Variants in PER3 observed in about 807,000 individuals in gnomAD.
PER3 encodes period circadian protein homolog 3.
A neutral mutation model predicts 127.2 loss-of-function variants in PER3; 107 were observed. The ratio of observed to expected loss-of-function variants is 0.84; its 90% CI spans 0.72 to 0.99. The LOEUF is 0.99. Ranked by LOEUF, PER3 falls within the 50% of genes least tolerant of loss-of-function variation. PER3 has a pLI of 0.00. For synonymous variants in PER3, 618 were observed against 585.8 expected (o/e 1.05, Z -0.79); for missense variants, 1,560 against 1,525.8 (o/e 1.02, Z -0.37).
At chr1:7,799,583 C>G (rs1265394425) in intron 7 of PER3, among the ~76,000 whole-genome samples, 4 of 145,610 alleles carry the variant, frequency 2.7e-5, no homozygotes, top group African/African-American at 1.0e-4. Context: ...GCACTCCAGC[C>G]TGGGCAACAA....
Position 7,842,972 on chromosome 1 carries a change from T to C in PER3, c.*217T>C. The C allele has an allele frequency of 3.1e-6, 1 of 322,784 alleles. No individual in the cohort carries two copies. The highest frequency in any genetic ancestry group is 5.8e-6 in the Non-Finnish European group (1 of 172,866). 20.0% of individuals were successfully genotyped at this position (322,784 alleles called of 1,614,324 possible). A position where few individuals can be genotyped will look rare whatever the true frequency, so the allele number is the denominator to read the frequency against. ...TATATTAAAATGGCCAGTTAGGCTC[T>C]TTTTGTAGTTGAATTGTCTTCTAAA... On this transcript the variant is annotated 3_prime_UTR_variant, in exon 22 of 22. Coordinates refer to ENST00000377532, the MANE Select transcript of PER3 (RefSeq NM_001377275.1).
chr1:7,787,148 C>A, intron 4 of PER3: 1 of 372,936 alleles, frequency 2.7e-6, no homozygotes. Flanking sequence ...TAATTTCCTG[C>A]ACCTTATTCT....
At chr1:7,839,637 C>T (rs2097374856) in intron 21 of PER3, among the ~76,000 whole-genome samples, 1 of 152,130 alleles carries the variant, frequency 6.6e-6, no homozygotes, top group Non-Finnish European at 1.5e-5. Context: ...TTCACTTCTC[C>T]CTTACTTTTG....
Position 7,826,092 on chromosome 1 carries a change from C to T in PER3, c.1958-388C>T, listed in dbSNP as rs934883840. Among the ~76,000 whole-genome samples, 8 of 151,952 alleles carry T rather than the reference C, an allele frequency of 5.3e-5. No homozygotes were observed. The highest frequency in any genetic ancestry group is 1.7e-4 in the African/African-American group (7 of 41,358). On this transcript the variant is annotated intron_variant, in intron 16 of 21. Transcript: ENST00000377532. The surrounding 1 kb of genome is among the most constrained non-coding windows in gnomAD (Gnocchi z 4.2). ...AAATGAGAACTAGACAGAGCGTGGA[C>T]GGGGGTGAGGGGAATTTACTACATG...
intron 4 of PER3, chr1:7,787,321 T>C: frequency 4.3e-6 from 1 of 234,232 alleles, no homozygotes. Context: ...TCTCTCTTCT[T>C]GTTTGACAGA....
intron 16 of PER3, among the ~76,000 whole-genome samples, chr1:7,823,140 T>C (rs1252122617): frequency 2.0e-5 from 3 of 152,108 alleles, no homozygotes; most frequent in African/African-American, 7.2e-5. Context: ...GACCTAACTA[T>C]ATGCAAAGTA....
intron 2 of PER3, 104 bp from the exon 3 acceptor site, chr1:7,785,337 G>T: frequency 3.5e-6 from 3 of 867,258 alleles, no homozygotes; most frequent in Non-Finnish European, 3.7e-6. Flanking sequence ...GACTGATGCC[G>T]GTAGAGCACT....
chr1:7,829,040 C>T (rs1236815567), intron 18 of PER3, among the ~76,000 whole-genome samples: 2 of 152,088 alleles, frequency 1.3e-5, no homozygotes, highest in Non-Finnish European at 2.9e-5. Flanking sequence ...TAGAGATAGG[C>T]TGGAACGTTT....
intron 10 of PER3, among the ~76,000 whole-genome samples, chr1:7,804,311 CTTT>C (rs79813451): frequency 8.3e-6 from 1 of 120,460 alleles, no homozygotes; most frequent in African/African-American, 3.1e-5. Context: ...TTCTTTCTTT[CTTT>C]TTTTTTTTTT....
At chr1:7,785,410 G>C in intron 2 of PER3, 31 bp from the exon 3 acceptor site, 1 of 1,585,020 alleles carries the variant, frequency 6.3e-7, no homozygotes, top group Non-Finnish European at 8.7e-7. Flanking sequence ...GTCTTCAGAG[G>C]ATGAAGTTGT....
In PER3 at chr1:7,832,870, A is replaced by G. The variant is rs527958898; in HGVS notation, c.3214+2709A>G. Among the ~76,000 whole-genome samples the G allele has an allele frequency of 3.3e-3, 462 of 138,120 alleles. 4 individuals carry two copies. Among genetic ancestry groups the G allele is most frequent in the African/African-American group, 0.012 (441 of 37,030 alleles). The allele number at this position is 138,120 out of a possible 152,430, so 90.6% of individuals were successfully genotyped here. A position where few individuals can be genotyped will look rare whatever the true frequency, so the allele number is the denominator to read the frequency against. ...TTTTTTTTTTTGGAACCAAGGTCTC[A>G]CTCTGTTGCCCAGGCTGGAGTGCAG... On this transcript the variant is annotated intron_variant, in intron 19 of 21. Coordinates refer to ENST00000377532, the MANE Select transcript of PER3 (RefSeq NM_001377275.1).
Position 7,822,580 on chromosome 1 carries a change from A to G in PER3, c.1957+1940A>G, listed in dbSNP as rs557127310. Among the ~76,000 whole-genome samples, 344 of 152,344 alleles carry G rather than the reference A, an allele frequency of 2.3e-3. 1 individual carries two copies. Among genetic ancestry groups the G allele is most frequent in the Non-Finnish European group, 4.1e-3 (281 of 68,026 alleles). ...AAAATAATTTTTTAAAAGATGGAAT[A>G]TGAGATACAATGACTAAGCCAATCA... On this transcript the variant is annotated intron_variant, in intron 16 of 21. Coordinates refer to ENST00000377532, the MANE Select transcript of PER3 (RefSeq NM_001377275.1).
At chr1:7,833,232 A>C (rs2097341470) in intron 19 of PER3, among the ~76,000 whole-genome samples, 1 of 152,206 alleles carries the variant, frequency 6.6e-6, no homozygotes, top group South Asian at 2.1e-4. Flanking sequence ...ATTTGAAAAG[A>C]ATATGCTTTC....
Position 7,798,578 on chromosome 1 carries a change from CCTAT to C in PER3, c.701_704del (p.Tyr234Ter). 6.2e-7 allele frequency: 1 copy of C among 1,613,112 alleles called. No individual in the cohort carries two copies. The highest frequency in any genetic ancestry group is 8.5e-7 in the Non-Finnish European group (1 of 1,179,070). On this transcript the variant is annotated frameshift_variant, in exon 7 of 22. Coordinates refer to ENST00000377532, the MANE Select transcript of PER3 (RefSeq NM_001377275.1). LOFTEE classifies it high-confidence loss of function. ...TGTCACTCCCCATTCCGGATCATCC[CCTAT>C]CTGATTCATGTACATCACCCTGCCC... is the stretch of plus-strand genomic sequence containing the variant.
chr1:7,828,553 C>T (rs982671264), intron 18 of PER3, among the ~76,000 whole-genome samples: 1 of 152,176 alleles, frequency 6.6e-6, no homozygotes, highest in African/African-American at 2.4e-5. Context: ...TATTCAAAAT[C>T]TAGTGATACA....
At chr1:7,814,623 T>TCTACACAAAGAAGTGAAAAGCA (rs2097238414) in intron 13 of PER3, among the ~76,000 whole-genome samples, 1 of 152,200 alleles carries the variant, frequency 6.6e-6, no homozygotes, top group Non-Finnish European at 1.5e-5. Flanking sequence ...AAAACTTGGA[T>TCTACACAAAGAAGTGAAAAGCA]CTACACAAAG....
In PER3 at chr1:7,784,335, G is replaced by C. The variant is rs2097073162; in HGVS notation, c.-266G>C. Reference sequence around the variant, plus strand: ...TCGAGACTGCGCGAGGGCGGCCCCGGGGGCGAGCGGCTGTGCGCGGGGCCA... The same window carrying C: ...TCGAGACTGCGCGAGGGCGGCCCCGCGGGCGAGCGGCTGTGCGCGGGGCCA... On this transcript the variant is annotated 5_prime_UTR_variant, in exon 1 of 22. Transcript: ENST00000377532. 6.6e-6 allele frequency: 1 copy of C among 150,876 alleles called. No individual in the cohort carries two copies. The highest frequency in any genetic ancestry group is 6.6e-5 in the Admixed American group (1 of 15,108). The allele number at this position is 150,876 out of a possible 1,614,324, so 9.3% of individuals were successfully genotyped here. A position where few individuals can be genotyped will look rare whatever the true frequency, so the allele number is the denominator to read the frequency against.
chr1:7,841,907 T>G (rs186008171), intron 21 of PER3, among the ~76,000 whole-genome samples: 30 of 152,304 alleles, frequency 2.0e-4, no homozygotes, highest in Admixed American at 1.9e-3. Context: ...ATGGGGATGT[T>G]TTGTGCAAGC....
rs781255172 is a variant in PER3, at chr1:7,827,572, G to C, written c.2643G>C (p.Ala881=). ...PSFLPCPFLG[A]TASSAISPSM... ...TTTTGCCATGTCCATTCCTGGGGGC[G>C]ACAGCCTCTTCTGCGATATCACCCT... The change falls in exon 18 of 22, where the codon GCG becomes GCC. Residue 881 remains alanine, a synonymous_variant. Coordinates refer to ENST00000377532, the MANE Select transcript of PER3 (RefSeq NM_001377275.1). 1.2e-6 allele frequency: 2 copies of C among 1,613,998 alleles called. No individual in the cohort carries two copies. The highest frequency in any genetic ancestry group is 1.7e-6 in the Non-Finnish European group (2 of 1,180,020).
Sources: allele counts gnomAD v4.1 joint callset (sites outside exome capture counted in the v4.1 genomes callset), GRCh38; gene constraint gnomAD v4.1.1; non-coding constraint Gnocchi (gnomAD v3.1); transcripts MANE v1.5; gene names NCBI Gene and HGNC (gene_info 2026-07-23, HGNC 2026-07-21).